Variants in ZNF155 observed in about 807,000 individuals in gnomAD.
The protein encoded by ZNF155 is KRAB A domain.
A neutral mutation model predicts 11.9 loss-of-function variants in ZNF155; 15 were observed. The observed-to-expected ratio is 1.26, with a 90% confidence interval of 0.84 to 1.94. ZNF155 has a LOEUF of 1.94. Ranked by LOEUF, ZNF155 falls within the 30% of genes most tolerant of loss-of-function variation. The pLI is 0.00. For synonymous variants in ZNF155, 212 were observed against 219.9 expected (o/e 0.96, Z 0.32); for missense variants, 602 against 639.1 (o/e 0.94, Z 0.63).
At chr19:43,985,047 G>A (rs117445478) in intron 1 of ZNF155, among the ~76,000 whole-genome samples, 1 of 152,242 alleles carries the variant, frequency 6.6e-6, no homozygotes, top group Non-Finnish European at 1.5e-5. Flanking sequence ...TATTTATTTT[G>A]TTAGTCTGTT....
intron 2 of ZNF155, chr19:43,989,884 C>A: frequency 2.2e-6 from 1 of 446,464 alleles, no homozygotes; most frequent in Non-Finnish European, 3.7e-6. Flanking sequence ...AAAGGAAAAA[C>A]TCCAAACAGA....
At chr19:43,995,781 A>G (rs1324012371) in intron 4 of ZNF155, among the ~76,000 whole-genome samples, 2 of 152,208 alleles carry the variant, frequency 1.3e-5, no homozygotes, top group African/African-American at 4.8e-5. Flanking sequence ...CATTATGTAC[A>G]TAAATTTTTA....
Position 43,988,562 on chromosome 19 carries a change from AG to A in ZNF155, c.15+10del. The A allele has an allele frequency of 6.2e-7, 1 of 1,602,590 alleles. No individual in the cohort carries two copies. Among genetic ancestry groups the A allele is most frequent in the Non-Finnish European group, 8.5e-7 (1 of 1,172,866 alleles). On this transcript the variant is annotated splice_donor_5th_base_variant and intron_variant, in intron 2 of 4. Coordinates refer to ENST00000270014, the MANE Select transcript of ZNF155 (RefSeq NM_198089.3). ...AGGAAAAATGACCACATTCAAGGTG[AG>A]GGGGGCGTGCCTCTCTCGCTGTTAA...
intron 2 of ZNF155, chr19:43,988,893 C>T (rs1192097099): frequency 1.4e-5 from 3 of 215,530 alleles, no homozygotes; most frequent in Non-Finnish European, 2.8e-5. Flanking sequence ...TGATGATATA[C>T]ATCTAATTGT....
chr19:43,986,447 G>GTTTT lies in ZNF155; in HGVS notation c.-85-2011_-85-2010insTTTT, dbSNP rs1470848913. ...TGCTCATCCAATATTATTCCCATTT[G>GTTTT]TGTTTTTTTTTTTTTTTTTTTAGAC... On this transcript the variant is annotated intron_variant, in intron 1 of 4. Coordinates refer to ENST00000270014, the MANE Select transcript of ZNF155 (RefSeq NM_198089.3). Among the ~76,000 whole-genome samples the GTTTT allele has an allele frequency of 6.1e-4, 87 of 142,180 alleles. 3 individuals are homozygous for GTTTT. The highest frequency in any genetic ancestry group is 2.0e-3 in the African/African-American group (75 of 37,160). The allele number at this position is 142,180 out of a possible 152,430, so 93.3% of individuals were successfully genotyped here.
intron 1 of ZNF155, among the ~76,000 whole-genome samples, chr19:43,986,962 G>A (rs1262653199): frequency 2.0e-5 from 3 of 152,196 alleles, no homozygotes; most frequent in African/African-American, 4.8e-5. Context: ...AGAGACGATT[G>A]TAGATTTCTG....
Position 43,991,870 on chromosome 19 carries a change from C to A in ZNF155, c.171C>A (p.Cys57Ter), listed in dbSNP as rs373022098. Reference protein sequence around the residue: ...VGHQPFHQDTCHFLREEKFWM... With the variant: ...VGHQPFHQDT ...ATCAACCGTTCCACCAAGATACTTG[C>A]CACTTCCTAAGGGAAGAAAAGTTTT... The change falls in exon 4 of 5, where the codon TGC becomes TGA. Residue 57 changes from cysteine (C) to a stop codon, truncating the protein, a stop_gained. Coordinates refer to ENST00000270014, the MANE Select transcript of ZNF155 (RefSeq NM_198089.3). LOFTEE classifies it high-confidence loss of function. 1.2e-6 allele frequency: 2 copies of A among 1,613,994 alleles called. No homozygotes were observed. Among genetic ancestry groups the A allele is most frequent in the Non-Finnish European group, 1.7e-6 (2 of 1,179,938 alleles).
At chr19:43,991,462 A>G (rs548363292) in intron 2 of ZNF155, 86 bp from the exon 3 acceptor site, 2 of 1,598,778 alleles carry the variant, frequency 1.3e-6, no homozygotes, top group Middle Eastern at 3.4e-4. Flanking sequence ...ACAACTTTCC[A>G]CTCATCCCCT....
intron 2 of ZNF155, chr19:43,988,814 C>G (rs1028324246): frequency 1.4e-5 from 5 of 368,532 alleles, no homozygotes; most frequent in Non-Finnish European, 2.4e-5. Flanking sequence ...TCCTTACCTC[C>G]CCTCTCTCAA....
Position 43,991,852 on chromosome 19 carries a change from G to C in ZNF155, c.153G>C (p.Pro51=), listed in dbSNP as rs544029930. The C allele has an allele frequency of 2.4e-5, 39 of 1,613,664 alleles. No individual in the cohort carries two copies. Among genetic ancestry groups the C allele is most frequent in the Non-Finnish European group, 3.3e-5 (39 of 1,179,826 alleles). The stretch of plus-strand genomic sequence containing the variant: ...CTTACCTATTCACAGGGCATCAACC[G>C]TTCCACCAAGATACTTGCCACTTCC... ...FRNLLSVGHQ[P]FHQDTCHFLR... Residue 51 remains proline, a synonymous_variant, in exon 4 of 5, where the codon CCG becomes CCC. Coordinates refer to ENST00000270014, the MANE Select transcript of ZNF155 (RefSeq NM_198089.3).
chr19:43,988,109 A>G (rs575840552), intron 1 of ZNF155, among the ~76,000 whole-genome samples: 2 of 152,340 alleles, frequency 1.3e-5, no homozygotes, highest in East Asian at 3.9e-4. Context: ...CAACATAGCA[A>G]GACCCCATCT....
chr19:43,986,923 C>T (rs1975480879), intron 1 of ZNF155, among the ~76,000 whole-genome samples: 1 of 152,158 alleles, frequency 6.6e-6, no homozygotes, highest in South Asian at 2.1e-4. Flanking sequence ...GGCCATCAGC[C>T]AAATACTACC....
At chr19:43,985,533 C>CTT (rs752604890) in intron 1 of ZNF155, among the ~76,000 whole-genome samples, 40 of 97,860 alleles carry the variant, frequency 4.1e-4, no homozygotes, top group African/African-American at 8.9e-4. Flanking sequence ...TGCTCTTTTT[C>CTT]TTTTTTTTTT....
At chr19:43,984,582 G>C (rs539010056) in intron 1 of ZNF155, among the ~76,000 whole-genome samples, 1 of 152,154 alleles carries the variant, frequency 6.6e-6, no homozygotes, top group African/African-American at 2.4e-5. Context: ...ATAACGTGGG[G>C]TGTTACTTAA....
Position 43,996,503 on chromosome 19 carries a change from A to G in ZNF155, c.646A>G (p.Ser216Gly). ...CDVCGKEFSQ[S>G]SHLQTHQRVH... ...TGTGTGTGGCAAGGAATTTAGTCAAAGCTCACATCTGCAAACTCATCAGAG... is the reference window on the plus strand; with the variant it reads ...TGTGTGTGGCAAGGAATTTAGTCAAGGCTCACATCTGCAAACTCATCAGAG... The change falls in exon 5 of 5, where the codon AGC becomes GGC. Residue 216 changes from serine (S) to glycine (G), a missense_variant. Ser to Gly is a moderately conservative substitution (Grantham distance 56). Coordinates refer to ENST00000270014, the MANE Select transcript of ZNF155 (RefSeq NM_198089.3). 1 of 1,614,228 alleles carries G rather than the reference A, an allele frequency of 6.2e-7. No individual in the cohort carries two copies. Among genetic ancestry groups the G allele is most frequent in the Non-Finnish European group, 8.5e-7 (1 of 1,180,026 alleles).
At chr19:43,987,861 A>G (rs1187699060) in intron 1 of ZNF155, among the ~76,000 whole-genome samples, 2 of 152,228 alleles carry the variant, frequency 1.3e-5, no homozygotes, top group Non-Finnish European at 2.9e-5. Flanking sequence ...TACGTATCAT[A>G]GCATTCACCA....
At chr19:43,987,535 T>C (rs1255984754) in intron 1 of ZNF155, among the ~76,000 whole-genome samples, 1 of 152,196 alleles carries the variant, frequency 6.6e-6, no homozygotes, top group Non-Finnish European at 1.5e-5. Flanking sequence ...AAGGTTTCCT[T>C]CCTATTGTAA....
chr19:43,993,450 G>A (rs1414932238), intron 4 of ZNF155, among the ~76,000 whole-genome samples: 5 of 151,968 alleles, frequency 3.3e-5, no homozygotes, highest in Admixed American at 6.6e-5. Flanking sequence ...AGTTTCGCTC[G>A]TCACCCAGCC....
Position 43,997,244 on chromosome 19 carries a change from A to G in ZNF155, c.1387A>G (p.Lys463Glu), listed in dbSNP as rs768701338. 2.5e-6 allele frequency: 4 copies of G among 1,614,054 alleles called. No homozygotes were observed. Among genetic ancestry groups the G allele is most frequent in the Non-Finnish European group, 3.4e-6 (4 of 1,180,028 alleles). The change falls in exon 5 of 5, where the codon AAG (lysine) becomes GAG (glutamate). Residue 463 changes from lysine to glutamate, a missense_variant. Transcript: ENST00000270014. ...ACCTTATAATTGTAAGGAATGTGGGAAGAACTTTAGCCGGGCCTCAAGTAT... is the reference window on the plus strand; with the variant it reads ...ACCTTATAATTGTAAGGAATGTGGGGAGAACTTTAGCCGGGCCTCAAGTAT... The part of the protein sequence containing the change: ...ERPYNCKECG[K>E]NFSRASSILN...
Sources: gnomAD v4.1 joint callset for allele counts (sites outside exome capture counted in the v4.1 genomes callset) on GRCh38, gnomAD v4.1.1 for gene constraint, MANE v1.5 for transcripts, NCBI Gene and HGNC (gene_info 2026-07-23, HGNC 2026-07-21) for gene names.